Variants in EREG observed in about 807,000 individuals in gnomAD.
EREG encodes the protein proepiregulin.
In EREG, 23 loss-of-function variants were observed where a neutral mutation model predicts 22.4. That is an observed-to-expected ratio of 1.03 (90% CI 0.74 to 1.46). The LOEUF (loss-of-function observed/expected upper bound fraction) is 1.46. EREG is among the 40% of genes most tolerant of loss of function. EREG has a pLI of 0.00. For missense variants in EREG, 226 were observed against 205.9 expected, an observed-to-expected ratio of 1.10 and a Z score of -0.60; for synonymous variants, 100 against 75.4, an observed-to-expected ratio of 1.33 and a Z score of -1.69.
At chr4:74,373,323 AT>A (rs1159484735) in intron 1 of EREG, among the ~76,000 whole-genome samples, 2 of 152,118 alleles carry the variant, frequency 1.3e-5, no homozygotes, top group African/African-American at 4.8e-5. Flanking sequence ...ATTGGAAAGT[AT>A]AACTTAATGC....
chr4:74,382,550 C>T, intron 3 of EREG, 95 bp from the exon 4 acceptor site: 1 of 950,796 alleles, frequency 1.1e-6, no homozygotes, highest in Non-Finnish European at 1.6e-6. Flanking sequence ...TGATTTCTTG[C>T]ATTACAGTGT....
intron 1 of EREG, among the ~76,000 whole-genome samples, chr4:74,370,785 C>G (rs1038849313): frequency 3.3e-5 from 5 of 152,144 alleles, no homozygotes; most frequent in African/African-American, 1.2e-4. Context: ...TTAGAGAAAT[C>G]TAATCCAAAC....
chr4:74,365,291 C>T lies in EREG; in HGVS notation c.-18C>T, dbSNP rs375137962. 12 of 1,598,250 alleles carry T rather than the reference C, an allele frequency of 7.5e-6. No homozygotes were observed. The African/African-American group carries it at 1.3e-4, about 18-fold the overall frequency. ...GCAGCCGCCCTCCGCCAAGCCCCAG[C>T]GCCCGCTCCCATCGCCGATGACCGC... On this transcript the variant is annotated 5_prime_UTR_variant, in exon 1 of 5. Coordinates refer to ENST00000244869, the MANE Select transcript of EREG (RefSeq NM_001432.3).
chr4:74,365,314 C>A lies in EREG; in HGVS notation c.6C>A (p.Thr2=). The A allele has an allele frequency of 6.2e-7, 1 of 1,605,102 alleles. No individual in the cohort carries two copies. The highest frequency in any genetic ancestry group is 8.5e-7 in the Non-Finnish European group (1 of 1,179,802). Residue 2 remains threonine, a synonymous_variant, in exon 1 of 5, where the codon ACC becomes ACA. Coordinates refer to ENST00000244869, the MANE Select transcript of EREG (RefSeq NM_001432.3). Reference sequence around the variant, plus strand: ...AGCGCCCGCTCCCATCGCCGATGACCGCGGGGAGGAGGATGGAGATGCTCT... The same window carrying A: ...AGCGCCCGCTCCCATCGCCGATGACAGCGGGGAGGAGGATGGAGATGCTCT... The part of the protein sequence containing the change: M[T]AGRRMEMLCA...
At position 74,365,279 on chromosome 4, in the gene EREG, G is replaced by A. The variant is rs750143925; in HGVS notation, c.-30G>A. The A allele has an allele frequency of 4.4e-6, 7 of 1,589,302 alleles. No homozygotes were observed. The highest frequency in any genetic ancestry group is 1.8e-4 in the Middle Eastern group (1 of 5,618). ...CGTGCACTCTCCGCAGCCGCCCTCC[G>A]CCAAGCCCCAGCGCCCGCTCCCATC... is the stretch of plus-strand genomic sequence containing the variant. On this transcript the variant is annotated 5_prime_UTR_variant, in exon 1 of 5. Coordinates refer to ENST00000244869, the MANE Select transcript of EREG (RefSeq NM_001432.3).
chr4:74,367,201 A>G (rs1752201007), intron 1 of EREG, among the ~76,000 whole-genome samples: 1 of 152,200 alleles, frequency 6.6e-6, no homozygotes, highest in African/African-American at 2.4e-5. Flanking sequence ...ATTGCTATGC[A>G]CAATCATTTG....
intron 2 of EREG, among the ~76,000 whole-genome samples, chr4:74,380,735 T>C (rs1288211665): frequency 1.3e-5 from 2 of 152,212 alleles, no homozygotes; most frequent in African/African-American, 4.8e-5. Flanking sequence ...GTGTTAAATT[T>C]GCCTTCTCTA....
At chr4:74,382,579 AC>A in intron 3 of EREG, 65 bp from the exon 4 acceptor site, 1 of 1,342,642 alleles carries the variant, frequency 7.4e-7, no homozygotes, top group Non-Finnish European at 1.0e-6. Flanking sequence ...TCCTTATAAA[AC>A]TAATTCATAA....
chr4:74,388,061 TTTATTTATGAG>T lies in EREG; in HGVS notation c.*3255_*3265del, dbSNP rs1752601241. ...GTATGACTACGTCTTAAGTCAGATTTTTATTTATGAGTCTTTGAGACTAAATTCAATCACCA... is the reference window on the plus strand; with the variant it reads ...GTATGACTACGTCTTAAGTCAGATTTTCTTTGAGACTAAATTCAATCACCA... On this transcript the variant is annotated 3_prime_UTR_variant, in exon 5 of 5. Coordinates refer to ENST00000244869, the MANE Select transcript of EREG (RefSeq NM_001432.3). 2 of 152,228 alleles carry T rather than the reference TTTATTTATGAG, an allele frequency of 1.3e-5. No homozygotes were observed. The highest frequency in any genetic ancestry group is 1.3e-4 in the Admixed American group (2 of 15,288). 9.4% of individuals were successfully genotyped at this position (152,228 alleles called of 1,614,324 possible). A position where few individuals can be genotyped will look rare whatever the true frequency, so the allele number is the denominator to read the frequency against.
rs201091179 is a variant in EREG, at chr4:74,382,895, G to A, written c.428+101G>A. On this transcript the variant is annotated intron_variant, in intron 4 of 4. Coordinates refer to ENST00000244869, the MANE Select transcript of EREG (RefSeq NM_001432.3). Reference sequence around the variant, plus strand: ...TATGGATAAAGTATTAGAGAGATAAGATCAAACCTGTACAAATGATATTTA... The same window carrying A: ...TATGGATAAAGTATTAGAGAGATAAAATCAAACCTGTACAAATGATATTTA... 1.2e-4 allele frequency: 104 copies of A among 832,550 alleles called. 2 individuals carry two copies. In the East Asian group the frequency reaches 2.5e-3, roughly 20 times the overall value. 51.6% of individuals were successfully genotyped at this position (832,550 alleles called of 1,614,324 possible).
chr4:74,378,070 C>T (rs1752412081), intron 1 of EREG, among the ~76,000 whole-genome samples: 1 of 152,146 alleles, frequency 6.6e-6, no homozygotes. Flanking sequence ...ATTAATCATC[C>T]TTTCATAACA....
chr4:74,379,384 A>T lies in EREG; in HGVS notation c.68-64A>T, dbSNP rs1234491045. 2.9e-6 allele frequency: 3 copies of T among 1,031,090 alleles called. No homozygotes were observed. The Admixed American group carries it at 5.2e-5, about 18-fold the overall frequency. 63.9% of individuals were successfully genotyped at this position (1,031,090 alleles called of 1,614,324 possible). A position where few individuals can be genotyped will look rare whatever the true frequency, so the allele number is the denominator to read the frequency against. ...CTCTATAAGTACTGCAGTTATGTAGAAATTTGATCAAGATTTCTTTCCTTA... is the reference window on the plus strand; with the variant it reads ...CTCTATAAGTACTGCAGTTATGTAGTAATTTGATCAAGATTTCTTTCCTTA... On this transcript the variant is annotated intron_variant, in intron 1 of 4. Coordinates refer to ENST00000244869, the MANE Select transcript of EREG (RefSeq NM_001432.3).
At chr4:74,382,249 G>A (rs1430378689) in intron 3 of EREG, among the ~76,000 whole-genome samples, 1 of 151,920 alleles carries the variant, frequency 6.6e-6, no homozygotes, top group African/African-American at 2.4e-5. Context: ...GCAGTGAGCC[G>A]AGAGATCACA....
At position 74,375,539 on chromosome 4, in the gene EREG, C is replaced by A. The variant is rs566598452; in HGVS notation, c.68-3909C>A. Among the ~76,000 whole-genome samples the A allele has an allele frequency of 6.0e-5, 9 of 150,716 alleles. No homozygotes were observed. The South Asian group carries it at 1.7e-3, about 28-fold the overall frequency. ...AGAGACGGGGTTTTACCGTGTTAGC[C>A]AGGATGGTCTCGATATCCTGACCTC... On this transcript the variant is annotated intron_variant, in intron 1 of 4. Coordinates refer to ENST00000244869, the MANE Select transcript of EREG (RefSeq NM_001432.3).
chr4:74,378,053 T>C lies in EREG; in HGVS notation c.68-1395T>C, dbSNP rs187613297. On this transcript the variant is annotated intron_variant, in intron 1 of 4. Transcript: ENST00000244869. The stretch of plus-strand genomic sequence containing the variant: ...AGTTGAATATATTTTGTTGCCTTTA[T>C]GGAGGCATTAATCATCCTTTCATAA... Among the ~76,000 whole-genome samples, 7 of 152,362 alleles carry C rather than the reference T, an allele frequency of 4.6e-5. No individual in the cohort carries two copies. The East Asian group carries it at 1.3e-3, about 29-fold the overall frequency.
intron 4 of EREG, among the ~76,000 whole-genome samples, 153 bp from the exon 5 acceptor site, chr4:74,384,570 CTTTT>C (rs5859426): frequency 2.1e-5 from 3 of 141,352 alleles, no homozygotes; most frequent in African/African-American, 2.6e-5. Context: ...CTTCATCCCT[CTTTT>C]TTTTTTTTTT....
intron 1 of EREG, among the ~76,000 whole-genome samples, chr4:74,372,801 CTTTTTTT>C (rs60657787): frequency 4.0e-4 from 29 of 71,908 alleles, no homozygotes; most frequent in African/African-American, 5.8e-4. Context: ...TTAAATTGTA[CTTTTTTT>C]TTTTTTTTTT....
chr4:74,383,648 T>A (rs4694190), intron 4 of EREG, among the ~76,000 whole-genome samples: 5 of 152,126 alleles, frequency 3.3e-5, no homozygotes, highest in African/African-American at 1.2e-4. Context: ...TTTGAAACAG[T>A]TACAAATTAC....
intron 1 of EREG, among the ~76,000 whole-genome samples, chr4:74,374,717 G>C (rs971018763): frequency 1.3e-5 from 2 of 151,978 alleles, no homozygotes; most frequent in Admixed American, 6.6e-5. Context: ...TCCCACGCGC[G>C]GTCCCCAATA....
Sources: gnomAD v4.1 joint callset for allele counts (sites outside exome capture counted in the v4.1 genomes callset) on GRCh38, gnomAD v4.1.1 for gene constraint, MANE v1.5 for transcripts, NCBI Gene and HGNC (gene_info 2026-07-23, HGNC 2026-07-21) for gene names.